PPP1R14C: variants seen among roughly 807,000 people sequenced by gnomAD.
The protein encoded by PPP1R14C is protein phosphatase 1 regulatory subunit 14C.
In PPP1R14C, 16 loss-of-function variants were observed where a neutral mutation model predicts 20.4. That is an observed-to-expected ratio of 0.78 (90% CI 0.53 to 1.19). The LOEUF is 1.19. Among genes scored for constraint, PPP1R14C ranks in the 50% most tolerant of loss-of-function variants. PPP1R14C has a pLI of 0.00. For synonymous variants in PPP1R14C, 91 were observed against 91.0 expected (o/e 1.00, Z 0.00); for missense variants, 211 against 220.1 (o/e 0.96, Z 0.26).
intron 2 of PPP1R14C, among the ~76,000 whole-genome samples, chr6:150,215,910 A>G (rs1297152488): frequency 2.0e-5 from 3 of 152,156 alleles, no homozygotes; most frequent in South Asian, 4.1e-4. Flanking sequence ...GCTCAACTTG[A>G]ATATCCACCA....
At chr6:150,217,491 G>A (rs985239524) in intron 3 of PPP1R14C, among the ~76,000 whole-genome samples, 14 of 152,022 alleles carry the variant, frequency 9.2e-5, no homozygotes, top group Admixed American at 2.0e-4. Flanking sequence ...CACCGCACCC[G>A]GCCTATCGGT....
chr6:150,157,069 A>C (rs1777313607), intron 1 of PPP1R14C, among the ~76,000 whole-genome samples: 1 of 152,224 alleles, frequency 6.6e-6, no homozygotes, highest in Non-Finnish European at 1.5e-5. Context: ...TCAATGGTGA[A>C]TGATCCCAAG....
intron 3 of PPP1R14C, among the ~76,000 whole-genome samples, chr6:150,222,981 C>T (rs770554835): frequency 7.9e-5 from 12 of 152,038 alleles, no homozygotes; most frequent in Non-Finnish European, 1.2e-4. Flanking sequence ...GTTGGCAAGG[C>T]TGGTCTTGAG....
At chr6:150,209,566 CTG>C (rs1296180114) in intron 1 of PPP1R14C, among the ~76,000 whole-genome samples, 1 of 130,914 alleles carries the variant, frequency 7.6e-6, no homozygotes, top group Non-Finnish European at 1.6e-5. Flanking sequence ...GTGTATTCAT[CTG>C]TGTGTATGTT....
chr6:150,179,795 C>T (rs1777601377), intron 1 of PPP1R14C, among the ~76,000 whole-genome samples: 1 of 152,142 alleles, frequency 6.6e-6, no homozygotes, highest in Non-Finnish European at 1.5e-5. Flanking sequence ...CCCAACTCTG[C>T]CACATTACTG....
intron 1 of PPP1R14C, among the ~76,000 whole-genome samples, chr6:150,193,392 A>C (rs1410444510): frequency 2.0e-5 from 3 of 152,080 alleles, no homozygotes; most frequent in Non-Finnish European, 4.4e-5. Flanking sequence ...ACAGGAAAAC[A>C]AGAAAAAAAG....
At chr6:150,152,947 G>T (rs1424684726) in intron 1 of PPP1R14C, among the ~76,000 whole-genome samples, 2 of 152,220 alleles carry the variant, frequency 1.3e-5, no homozygotes, top group East Asian at 3.8e-4. Context: ...TCGTGAGGGT[G>T]GAGGTCCTGT....
intron 1 of PPP1R14C, among the ~76,000 whole-genome samples, chr6:150,157,050 G>A (rs1002807436): frequency 3.9e-5 from 6 of 152,128 alleles, no homozygotes; most frequent in Non-Finnish European, 8.8e-5. Context: ...AAGAGGTGAC[G>A]GGCTGCATTC....
intron 1 of PPP1R14C, chr6:150,196,135 C>T: frequency 2.0e-6 from 2 of 984,816 alleles, no homozygotes; most frequent in Non-Finnish European, 2.4e-6. Context: ...GAAGTCATTG[C>T]AATACACTGT....
chr6:150,245,391 T>C (rs1476738489), intron 3 of PPP1R14C, among the ~76,000 whole-genome samples: 1 of 152,206 alleles, frequency 6.6e-6, no homozygotes, highest in Non-Finnish European at 1.5e-5. Context: ...TCCAAGAGCT[T>C]TCCACCGTGA....
At chr6:150,220,328 G>A (rs1778151283) in intron 3 of PPP1R14C, among the ~76,000 whole-genome samples, 1 of 152,208 alleles carries the variant, frequency 6.6e-6, no homozygotes, top group African/African-American at 2.4e-5. Flanking sequence ...TTCCCTATGT[G>A]AGGGTTGACG....
intron 1 of PPP1R14C, among the ~76,000 whole-genome samples, chr6:150,178,111 C>G (rs76528383): frequency 1.3e-5 from 2 of 152,162 alleles, no homozygotes; most frequent in Admixed American, 6.5e-5. Flanking sequence ...ATGCAGCCTC[C>G]GCGAGGCCTT....
chr6:150,186,820 C>T (rs1365177224), intron 1 of PPP1R14C, among the ~76,000 whole-genome samples: 1 of 152,072 alleles, frequency 6.6e-6, no homozygotes, highest in African/African-American at 2.4e-5. Flanking sequence ...GGGGTGGCTG[C>T]TAAGAATGAG....
At chr6:150,241,302 C>T in intron 3 of PPP1R14C, among the ~76,000 whole-genome samples, 1 of 152,224 alleles carries the variant, frequency 6.6e-6, no homozygotes, top group East Asian at 1.9e-4. Flanking sequence ...CATGCTCCTT[C>T]CCTCAAGCCC....
intron 3 of PPP1R14C, among the ~76,000 whole-genome samples, chr6:150,225,232 G>C (rs915471317): frequency 6.6e-6 from 1 of 152,158 alleles, no homozygotes; most frequent in African/African-American, 2.4e-5. Flanking sequence ...ATCTCGTCCT[G>C]CTGGAAGTTC....
chr6:150,220,669 A>T (rs1408982353), intron 3 of PPP1R14C, among the ~76,000 whole-genome samples: 2 of 152,188 alleles, frequency 1.3e-5, no homozygotes, highest in African/African-American at 4.8e-5. Context: ...TGCTTTGGTT[A>T]TTTGGGTGAG....
chr6:150,176,908 T>G (rs1396376369), intron 1 of PPP1R14C, among the ~76,000 whole-genome samples: 3 of 152,052 alleles, frequency 2.0e-5, no homozygotes, highest in African/African-American at 7.2e-5. Context: ...GGAGGAGAGA[T>G]CACGAGGAAG....
intron 1 of PPP1R14C, among the ~76,000 whole-genome samples, chr6:150,167,063 T>A (rs996895847): frequency 2.0e-5 from 3 of 149,034 alleles, no homozygotes; most frequent in African/African-American, 5.0e-5. Flanking sequence ...AAACCTCATC[T>A]CTACTAAAAA....
intron 3 of PPP1R14C, among the ~76,000 whole-genome samples, chr6:150,220,258 A>T (rs1463062743): frequency 6.6e-6 from 1 of 152,166 alleles, no homozygotes; most frequent in Non-Finnish European, 1.5e-5. Flanking sequence ...CTCCTCAAAA[A>T]TGTCAATGTT....
Sources: gnomAD v4.1 joint callset for allele counts (sites outside exome capture counted in the v4.1 genomes callset) on GRCh38, gnomAD v4.1.1 for gene constraint, MANE v1.5 for transcripts, NCBI Gene and HGNC (gene_info 2026-07-23, HGNC 2026-07-21) for gene names.